Variants in NLGN4X observed in about 807,000 individuals in gnomAD.
NLGN4X encodes neuroligin 4 X-linked.
A neutral mutation model predicts 40.3 loss-of-function variants in NLGN4X; 3 were observed. That is an observed-to-expected ratio of 0.07 (90% confidence interval 0.03 to 0.19). The LOEUF (loss-of-function observed/expected upper bound fraction) is 0.19, where lower values mean the gene tolerates loss of function less well. Ranked by LOEUF, NLGN4X falls within the 10% of genes least tolerant of loss-of-function variation. The pLI is 1.00. For synonymous variants in NLGN4X, 270 were observed against 306.8 expected (o/e 0.88, Z 1.25); for missense variants, 382 against 708.3 (o/e 0.54, Z 5.23).
At chrX:5,995,019 CTTTTGGCAATATT>C (rs1197688542) in intron 3 of NLGN4X, among the ~76,000 whole-genome samples, 3 of 112,331 alleles carry the variant, frequency 2.7e-5, no homozygotes, top group Non-Finnish European at 5.6e-5. Context: ...TTTGAGAATA[CTTTTGGCAATATT>C]TTTTATTTTG....
chrX:6,055,949 T>C (rs2037614429), intron 2 of NLGN4X, among the ~76,000 whole-genome samples: 1 of 112,122 alleles, frequency 8.9e-6, no homozygotes, highest in Admixed American at 9.5e-5. Flanking sequence ...CATATTGGTT[T>C]CCTGAACTTC....
At chrX:6,155,966 C>A (rs1443903934) in intron 1 of NLGN4X, among the ~76,000 whole-genome samples, 1 of 112,069 alleles carries the variant, frequency 8.9e-6, no homozygotes, top group African/African-American at 3.2e-5. Context: ...ATTAGTTCAG[C>A]CATTGTGTAA....
intron 1 of NLGN4X, among the ~76,000 whole-genome samples, chrX:6,200,691 T>TTTTTTTTCTTTC (rs1176159864): frequency 2.2e-5 from 2 of 89,270 alleles, no homozygotes; most frequent in East Asian, 6.5e-4. Flanking sequence ...CCTTTTCTTT[T>TTTTTTTTCTTTC]TTTTTTTTTT....
intron 3 of NLGN4X, among the ~76,000 whole-genome samples, chrX:5,944,662 A>AAAG (rs1479712037): frequency 1.8e-5 from 2 of 108,168 alleles, no homozygotes; most frequent in Admixed American, 1.0e-4. Context: ...AAAAAAAAAA[A>AAAG]AAAAAAAAAA....
chrX:5,977,422 A>G (rs1346438126), intron 3 of NLGN4X, among the ~76,000 whole-genome samples: 1 of 109,335 alleles, frequency 9.1e-6, no homozygotes, highest in African/African-American at 3.3e-5. Context: ...GGGTCTCACT[A>G]TGTTACCCAG....
intron 3 of NLGN4X, among the ~76,000 whole-genome samples, chrX:5,939,130 T>C (rs1368644072): frequency 1.8e-5 from 2 of 110,764 alleles, no homozygotes; most frequent in African/African-American, 3.3e-5. Context: ...TTGAAGATAG[T>C]TCCCAGCAGA....
Position 5,903,794 on chromosome X carries a change from T to C in NLGN4X, c.884A>G (p.Lys295Arg), listed in dbSNP as rs1156890001. Reference protein sequence around the residue: ...SSWAVNYQPAKYTRILADKVG... With the variant: ...SSWAVNYQPARYTRILADKVG... ...CTTGTCTGCCAATATCCGAGTGTAC[T>C]TGGCCGGCTGGTAGTTCACTGCCCA... The change falls in exon 5 of 6, where the codon AAG becomes AGG. Residue 295 changes from lysine (K) to arginine (R), a missense_variant. By Grantham distance (26) the Lys-to-Arg change is conservative. Coordinates refer to ENST00000381095, the MANE Select transcript of NLGN4X (RefSeq NM_181332.3). 2 of 1,211,916 alleles carry C rather than the reference T, an allele frequency of 1.7e-6. No homozygotes were observed. Among genetic ancestry groups the C allele is most frequent in the South Asian group, 3.5e-5 (2 of 56,986 alleles).
intron 2 of NLGN4X, among the ~76,000 whole-genome samples, chrX:6,140,457 GACAC>G (rs34281533): frequency 0.25 from 24,297 of 95,607 alleles, 2,402 homozygotes; most frequent in Admixed American, 0.28. Context: ...TTCACACACA[GACAC>G]ACACACACAC....
rs943054787 is a variant in NLGN4X at position 5,995,030 on chromosome X, A to AT, written c.625+34249dup. On this transcript the variant is annotated intron_variant, in intron 3 of 5. Transcript: ENST00000381095. ...TACGTTTGAGAATACTTTTGGCAAT[A>AT]TTTTTTATTTTGCTTTGGTTGCTAC... is the stretch of plus-strand genomic sequence containing the variant. Among the ~76,000 whole-genome samples the AT allele has an allele frequency of 3.6e-5, 4 of 112,265 alleles. No homozygotes were observed. The South Asian group carries it at 1.5e-3, about 41-fold the overall frequency.
intron 2 of NLGN4X, among the ~76,000 whole-genome samples, chrX:6,146,978 G>A (rs931479272): frequency 9.0e-6 from 1 of 110,961 alleles, no homozygotes; most frequent in African/African-American, 3.3e-5. Flanking sequence ...TTGTAGTAAA[G>A]ACGGGGTTTC....
intron 1 of NLGN4X, among the ~76,000 whole-genome samples, chrX:6,214,142 C>T (rs964468304): frequency 1.8e-5 from 2 of 111,946 alleles, no homozygotes; most frequent in Admixed American, 9.5e-5. Context: ...CTGCAAAAAA[C>T]AGTTACCCCA....
chrX:6,121,718 A>G (rs2039428382), intron 2 of NLGN4X, among the ~76,000 whole-genome samples: 1 of 112,383 alleles, frequency 8.9e-6, no homozygotes, highest in Non-Finnish European at 1.9e-5. Flanking sequence ...TCCTTTAATC[A>G]AAGTATTTAC....
At chrX:6,180,981 A>C (rs1921380953) in intron 1 of NLGN4X, among the ~76,000 whole-genome samples, 1 of 111,587 alleles carries the variant, frequency 9.0e-6, no homozygotes, top group Admixed American at 9.6e-5. Flanking sequence ...TCTTTGGGGA[A>C]AACCAATATT....
At chrX:6,201,408 G>A (rs951678139) in intron 1 of NLGN4X, among the ~76,000 whole-genome samples, 3 of 111,238 alleles carry the variant, frequency 2.7e-5, no homozygotes, top group Non-Finnish European at 5.6e-5. Flanking sequence ...GCGGAGATGG[G>A]GCAGGTGGTG....
At chrX:6,020,751 G>T (rs2147187246) in intron 3 of NLGN4X, among the ~76,000 whole-genome samples, 1 of 110,633 alleles carries the variant, frequency 9.0e-6, no homozygotes, top group Admixed American at 9.6e-5. Context: ...AATACATTAG[G>T]GAAAAAAGCA....
intron 3 of NLGN4X, among the ~76,000 whole-genome samples, chrX:6,024,902 G>A (rs187105094): frequency 2.3e-3 from 255 of 111,765 alleles, no homozygotes; most frequent in Non-Finnish European, 4.1e-3. Context: ...GGGCTGCTCT[G>A]CTTATGGAGC....
At chrX:5,969,216 T>C (rs2034934989) in intron 3 of NLGN4X, among the ~76,000 whole-genome samples, 1 of 110,747 alleles carries the variant, frequency 9.0e-6, no homozygotes, top group East Asian at 2.9e-4. Flanking sequence ...CAAAAGAAAC[T>C]ACCATCAGAG....
At chrX:5,919,992 G>A (rs984754160) in intron 3 of NLGN4X, among the ~76,000 whole-genome samples, 2 of 111,613 alleles carry the variant, frequency 1.8e-5, no homozygotes, top group African/African-American at 6.5e-5. Flanking sequence ...ATTCTCTTGC[G>A]GTTCTTACAT....
At chrX:6,034,796 C>A (rs981877089) in intron 2 of NLGN4X, among the ~76,000 whole-genome samples, 5 of 109,930 alleles carry the variant, frequency 4.5e-5, no homozygotes, top group Non-Finnish European at 9.5e-5. Flanking sequence ...ACAACCTCCA[C>A]CTCCTGGGTT....
Sources: gnomAD v4.1 joint callset for allele counts (sites outside exome capture counted in the v4.1 genomes callset) on GRCh38, gnomAD v4.1.1 for gene constraint, MANE v1.5 for transcripts, NCBI Gene and HGNC (gene_info 2026-07-23, HGNC 2026-07-21) for gene names.